YTHDC1: variants seen among roughly 807,000 people sequenced by gnomAD.
YTHDC1 encodes the protein YTH N6-methyladenosine RNA binding protein C1.
Under a neutral mutation model 107.0 loss-of-function variants are expected in YTHDC1, and 12 were observed. The observed-to-expected ratio is 0.11, with a 90% CI of 0.07 to 0.18. The LOEUF (loss-of-function observed/expected upper bound fraction) is 0.18, where lower values mean the gene tolerates loss of function less well. Ranked by LOEUF, YTHDC1 falls within the 10% of genes least tolerant of loss-of-function variation. The pLI is 1.00. For missense variants in YTHDC1, 635 were observed against 898.8 expected (o/e 0.71, Z 3.75); for synonymous variants, 280 against 289.5 (o/e 0.97, Z 0.33).
At chr4:68,342,220 G>T (rs975100988) in intron 1 of YTHDC1, among the ~76,000 whole-genome samples, 1 of 152,142 alleles carries the variant, frequency 6.6e-6, no homozygotes, top group African/African-American at 2.4e-5. Context: ...GTCAAATGGG[G>T]CTGGGGCTGG....
chr4:68,342,677 G>T (rs1724973216), intron 1 of YTHDC1, among the ~76,000 whole-genome samples: 1 of 152,146 alleles, frequency 6.6e-6, no homozygotes, highest in African/African-American at 2.4e-5. Flanking sequence ...AATGTAAACT[G>T]CTGCTTCTGG....
intron 9 of YTHDC1, among the ~76,000 whole-genome samples, chr4:68,329,608 C>G (rs1723358378): frequency 6.6e-6 from 1 of 152,074 alleles, no homozygotes; most frequent in Non-Finnish European, 1.5e-5. Context: ...TTCAGAAGAT[C>G]ACAATGGCAA....
Position 68,349,801 on chromosome 4 carries a change from G to T in YTHDC1, c.-48C>A, listed in dbSNP as rs1324584949. ...CTGCCACCGCCGCCGCCGCTTAGAC[G>T]CGACTCGCGCGGGCGCCGCAGCCGC... On this transcript the variant is annotated 5_prime_UTR_variant, in exon 1 of 17. Transcript: ENST00000344157. The T allele has an allele frequency of 1.2e-5, 19 of 1,610,684 alleles. No homozygotes were observed. Among genetic ancestry groups the T allele is most frequent in the Non-Finnish European group, 1.6e-5 (19 of 1,178,558 alleles).
In YTHDC1 at chr4:68,312,799, T is replaced by C. The variant is rs1721403233; in HGVS notation, c.*1300A>G. The stretch of plus-strand genomic sequence containing the variant: ...CAAACATTCAAATATTCCTAATGTT[T>C]ATAAAGGCCAAATTCCAAAGGCCAA... On this transcript the variant is annotated 3_prime_UTR_variant, in exon 17 of 17. Transcript: ENST00000344157. 6.6e-6 allele frequency: 1 copy of C among 152,224 alleles called. No individual in the cohort carries two copies. The highest frequency in any genetic ancestry group is 2.4e-5 in the African/African-American group (1 of 41,464). The allele number at this position is 152,224 out of a possible 1,614,324, so 9.4% of individuals were successfully genotyped here.
rs114409765 is a variant in YTHDC1, at chr4:68,329,929, C to T, written c.1349+73G>A. ...TAAGATAAGTATACAGTGACTTTTT[C>T]ACTTTAACACATTATTCTAAACTGG... On this transcript the variant is annotated intron_variant, in intron 9 of 16. Coordinates refer to ENST00000344157, the MANE Select transcript of YTHDC1 (RefSeq NM_001031732.4). 1.3e-3 allele frequency: 1,490 copies of T among 1,146,704 alleles called. 13 individuals are homozygous for T. In the African/African-American group the frequency reaches 0.02, roughly 15 times the overall value. The allele number at this position is 1,146,704 out of a possible 1,614,324, so 71.0% of individuals were successfully genotyped here. A position where few individuals can be genotyped will look rare whatever the true frequency, so the allele number is the denominator to read the frequency against.
chr4:68,320,628 T>G (rs530454273), intron 11 of YTHDC1, among the ~76,000 whole-genome samples: 1 of 152,256 alleles, frequency 6.6e-6, no homozygotes, highest in East Asian at 1.9e-4. Flanking sequence ...AATATGTAAC[T>G]CTAAAATCTG....
At chr4:68,331,181 C>A (rs963370672) in intron 7 of YTHDC1, among the ~76,000 whole-genome samples, 1 of 152,136 alleles carries the variant, frequency 6.6e-6, no homozygotes, top group East Asian at 1.9e-4. Flanking sequence ...AGTTGTTATA[C>A]TGTGTTTAAG....
intron 11 of YTHDC1, among the ~76,000 whole-genome samples, chr4:68,320,907 TAATAA>T (rs530451576): frequency 6.6e-6 from 1 of 152,094 alleles, no homozygotes; most frequent in Non-Finnish European, 1.5e-5. Context: ...CAATGCCTTG[TAATAA>T]AATAGGCTTT....
intron 1 of YTHDC1, among the ~76,000 whole-genome samples, chr4:68,339,379 G>A (rs1203212225): frequency 6.6e-6 from 1 of 152,154 alleles, no homozygotes; most frequent in Non-Finnish European, 1.5e-5. Flanking sequence ...ACCTAGAGAG[G>A]CATGATAACT....
intron 11 of YTHDC1, among the ~76,000 whole-genome samples, chr4:68,321,076 T>C (rs1035469768): frequency 2.6e-5 from 4 of 152,220 alleles, no homozygotes; most frequent in East Asian, 1.9e-4. Flanking sequence ...TTAAATACAC[T>C]TCAATTTACT....
chr4:68,333,256 TA>T lies in YTHDC1; in HGVS notation c.973+51del, dbSNP rs1039532777. The T allele has an allele frequency of 1.3e-5, 18 of 1,434,454 alleles. No individual in the cohort carries two copies. The African/African-American group carries it at 1.7e-4, about 14-fold the overall frequency. The allele number at this position is 1,434,454 out of a possible 1,614,324, so 88.9% of individuals were successfully genotyped here. On this transcript the variant is annotated intron_variant, in intron 5 of 16. Coordinates refer to ENST00000344157, the MANE Select transcript of YTHDC1 (RefSeq NM_001031732.4). ...TAAACTACAGCCTCCACACGCTTTC[TA>T]AAGCAGATTACATTAGAATCAAGTC...
In YTHDC1 at chr4:68,315,541, C is replaced by G. The variant is rs112797431; in HGVS notation, c.1959+773G>C. Among the ~76,000 whole-genome samples, 478 of 152,068 alleles carry G rather than the reference C, an allele frequency of 3.1e-3. 3 individuals carry two copies. Among genetic ancestry groups the G allele is most frequent in the African/African-American group, 0.011 (436 of 41,468 alleles). ...TAACAACAAAACTACCTTTCTAAGG[C>G]TATCAAACTTATATGCATATGAATT... On this transcript the variant is annotated intron_variant, in intron 16 of 16. Coordinates refer to ENST00000344157, the MANE Select transcript of YTHDC1 (RefSeq NM_001031732.4).
intron 11 of YTHDC1, among the ~76,000 whole-genome samples, chr4:68,321,807 A>G (rs1196402337): frequency 6.6e-6 from 1 of 152,216 alleles, no homozygotes; most frequent in East Asian, 1.9e-4. Context: ...CATACATCCA[A>G]TAGTCTTTAG....
intron 15 of YTHDC1, among the ~76,000 whole-genome samples, chr4:68,317,036 G>A (rs1721936246): frequency 6.6e-6 from 1 of 152,174 alleles, no homozygotes; most frequent in Non-Finnish European, 1.5e-5. Flanking sequence ...TTGGAGACCA[G>A]CTTGGGTAAC....
In YTHDC1 at chr4:68,332,774, A is replaced by G. The variant is rs1021065177; in HGVS notation, c.1027+20T>C. ...GACTATGCAGCATGCAATGAAAACA[A>G]TTTCAAATTTAAATGATACCTTTTC... is the stretch of plus-strand genomic sequence containing the variant. On this transcript the variant is annotated intron_variant, in intron 6 of 16. Transcript: ENST00000344157. 1 of 1,610,588 alleles carries G rather than the reference A, an allele frequency of 6.2e-7. No homozygotes were observed.
intron 6 of YTHDC1, 77 bp from the exon 7 acceptor site, chr4:68,332,274 AT>A: frequency 1.1e-6 from 1 of 919,458 alleles, no homozygotes. Context: ...ACTAACTGAA[AT>A]TAGCCCTCCA....
intron 16 of YTHDC1, 168 bp downstream of exon 16, chr4:68,316,146 A>C: frequency 1.3e-6 from 1 of 759,164 alleles, no homozygotes; most frequent in Non-Finnish European, 2.0e-6. Flanking sequence ...ATATAATCCA[A>C]AGGGGCATAA....
chr4:68,349,649 CAACGA>C, intron 1 of YTHDC1, 72 bp downstream of exon 1: 1 of 461,936 alleles, frequency 2.2e-6, no homozygotes, highest in Non-Finnish European at 4.3e-6. Context: ...CCCCCACCCC[CAACGA>C]CGACCACTGC....
At chr4:68,328,856 T>C (rs1723268991) in intron 9 of YTHDC1, among the ~76,000 whole-genome samples, 1 of 152,210 alleles carries the variant, frequency 6.6e-6, no homozygotes, top group Non-Finnish European at 1.5e-5. Context: ...CTGTTTCTCC[T>C]AGCCTACAAA....
Sources: gnomAD v4.1 joint callset for allele counts (sites outside exome capture counted in the v4.1 genomes callset) on GRCh38, gnomAD v4.1.1 for gene constraint, MANE v1.5 for transcripts, NCBI Gene and HGNC (gene_info 2026-07-23, HGNC 2026-07-21) for gene names.